The following TRPM1 variants were observed in gnomAD, a reference collection of about 807,000 sequenced individuals.
TRPM1 encodes the protein transient receptor potential cation channel subfamily M member 1.
Under a neutral mutation model 149.4 loss-of-function variants are expected in TRPM1, and 113 were observed. The observed-to-expected ratio is 0.76, with a 90% CI of 0.65 to 0.88. The LOEUF (loss-of-function observed/expected upper bound fraction) is 0.88, where lower values mean the gene tolerates loss of function less well. Among genes scored for constraint, TRPM1 ranks in the 40% least tolerant of loss-of-function variants. The probability of loss-of-function intolerance (pLI) is 0.00; values close to 1 mark genes in which losing one functional copy is unlikely to be tolerated. For missense variants in TRPM1, 1,976 were observed against 2,038.7 expected, an observed-to-expected ratio of 0.97 and a Z score of 0.59; for synonymous variants, 741 against 759.5, an observed-to-expected ratio of 0.98 and a Z score of 0.40.
chr15:31,117,473 C>T (rs1437082050), intron 1 of TRPM1, among the ~76,000 whole-genome samples: 5 of 150,930 alleles, frequency 3.3e-5, no homozygotes, highest in Admixed American at 3.3e-4. Context: ...GCAACAAGAT[C>T]GAAACTCTGT....
intron 1 of TRPM1, among the ~76,000 whole-genome samples, chr15:31,113,107 G>A (rs948836171): frequency 2.6e-5 from 4 of 152,144 alleles, no homozygotes; most frequent in Non-Finnish European, 5.9e-5. Flanking sequence ...CTGCTGTCTT[G>A]GCTTTAGGTA....
At chr15:31,037,296 A>G (rs766856661) in intron 20 of TRPM1, among the ~76,000 whole-genome samples, 9 of 152,236 alleles carry the variant, frequency 5.9e-5, no homozygotes, top group Non-Finnish European at 1.3e-4. Flanking sequence ...AGAGTTTACC[A>G]TCTGGATTTA....
chr15:31,155,512 C>T (rs370595378), intron 1 of TRPM1, among the ~76,000 whole-genome samples: 8 of 152,290 alleles, frequency 5.3e-5, no homozygotes, highest in African/African-American at 1.4e-4. Flanking sequence ...TCCTGTGGCT[C>T]GCTTGCGAAG....
intron 1 of TRPM1, among the ~76,000 whole-genome samples, chr15:31,112,845 A>G (rs1293368988): frequency 1.3e-5 from 2 of 152,246 alleles, no homozygotes; most frequent in Non-Finnish European, 2.9e-5. Flanking sequence ...CCTGCCACAA[A>G]GAACCCCCTT....
chr15:31,112,697 C>T (rs1332223561), intron 1 of TRPM1, among the ~76,000 whole-genome samples: 2 of 152,116 alleles, frequency 1.3e-5, no homozygotes, highest in Non-Finnish European at 2.9e-5. Context: ...AGGTGATATT[C>T]TCTAAACTCG....
At chr15:31,077,289 G>A (rs536688215) in intron 2 of TRPM1, among the ~76,000 whole-genome samples, 10 of 152,306 alleles carry the variant, frequency 6.6e-5, no homozygotes, top group African/African-American at 2.4e-4. Flanking sequence ...AAACTGCAGT[G>A]CAAGTGTTGT....
intron 27 of TRPM1, among the ~76,000 whole-genome samples, chr15:31,015,694 T>C (rs995619604): frequency 2.0e-5 from 3 of 152,208 alleles, no homozygotes; most frequent in African/African-American, 7.2e-5. Flanking sequence ...ATAATCTCCA[T>C]TGGCAACCCT....
intron 27 of TRPM1, among the ~76,000 whole-genome samples, chr15:31,006,397 C>T (rs771528475): frequency 6.6e-6 from 1 of 152,090 alleles, no homozygotes; most frequent in East Asian, 1.9e-4. Context: ...AGGCTGGCCT[C>T]GAACTCCTGA....
intron 23 of TRPM1, among the ~76,000 whole-genome samples, chr15:31,029,776 C>T (rs1209901849): frequency 6.6e-6 from 1 of 152,046 alleles, no homozygotes; most frequent in African/African-American, 2.4e-5. Context: ...GCACAAATAA[C>T]TACAAAATTA....
chr15:31,072,014 T>TAGAG (rs1320448721), intron 3 of TRPM1, among the ~76,000 whole-genome samples: 73 of 28,268 alleles, frequency 2.6e-3, no homozygotes, highest in African/African-American at 2.8e-3. Context: ...TATATATATA[T>TAGAG]ATATAGAGAG....
intron 7 of TRPM1, chr15:31,064,919 A>G (rs1403855886): frequency 2.3e-6 from 1 of 434,418 alleles, no homozygotes; most frequent in African/African-American, 2.0e-5. Flanking sequence ...GAGATTTCCA[A>G]CCCAAGCAAG....
chr15:31,016,192 G>A (rs926014266), intron 27 of TRPM1, among the ~76,000 whole-genome samples: 8 of 152,212 alleles, frequency 5.3e-5, no homozygotes, highest in Middle Eastern at 6.8e-3. Context: ...TAGGGTTTGC[G>A]AAATTTTTCA....
intron 1 of TRPM1, among the ~76,000 whole-genome samples, chr15:31,093,021 G>A (rs1170544607): frequency 6.6e-6 from 1 of 152,202 alleles, no homozygotes; most frequent in Admixed American, 6.5e-5. Context: ...AGCACTTTGG[G>A]AGGCTGAGGC....
At chr15:31,145,129 T>C (rs2036208867) in intron 1 of TRPM1, among the ~76,000 whole-genome samples, 1 of 152,172 alleles carries the variant, frequency 6.6e-6, no homozygotes, top group Non-Finnish European at 1.5e-5. Context: ...AACTGCTCTG[T>C]TTCTGAAGTC....
intron 27 of TRPM1, among the ~76,000 whole-genome samples, chr15:31,015,692 C>T (rs1429233284): frequency 6.6e-6 from 1 of 152,132 alleles, no homozygotes; most frequent in African/African-American, 2.4e-5. Context: ...TTATAATCTC[C>T]ATTGGCAACC....
intron 27 of TRPM1, among the ~76,000 whole-genome samples, chr15:31,005,157 A>T (rs2031943810): frequency 5.1e-5 from 7 of 138,412 alleles, no homozygotes; most frequent in Admixed American, 7.3e-5. Context: ...TACTCCGTTC[A>T]GTTCTATTAC....
intron 1 of TRPM1, among the ~76,000 whole-genome samples, chr15:31,121,259 C>T (rs141325010): frequency 0.011 from 1,623 of 146,656 alleles, 31 homozygotes; most frequent in African/African-American, 0.038. Flanking sequence ...GCTCTAAAAC[C>T]GGTAATCTAA....
chr15:31,028,535 C>A, intron 24 of TRPM1, 59 bp from the exon 25 acceptor site: 1 of 1,568,816 alleles, frequency 6.4e-7, no homozygotes, highest in South Asian at 1.1e-5. Flanking sequence ...GGATAAATAT[C>A]TCTTACATAT....
intron 1 of TRPM1, among the ~76,000 whole-genome samples, chr15:31,113,479 A>C (rs891284140): frequency 1.2e-4 from 18 of 151,918 alleles, no homozygotes; most frequent in African/African-American, 4.1e-4. Flanking sequence ...AAAATGGGTC[A>C]AACAATATCT....
Sources: allele counts gnomAD v4.1 joint callset (sites outside exome capture counted in the v4.1 genomes callset), GRCh38; gene constraint gnomAD v4.1.1; transcripts MANE v1.5; gene names NCBI Gene and HGNC (gene_info 2026-07-23, HGNC 2026-07-21).